Variants in CATSPERT observed in about 807,000 individuals in gnomAD.
CATSPERT encodes the protein catsper channel auxiliary subunit tau.
the CATSPERT span, among the ~76,000 whole-genome samples, chr2:201,581,575 TATATATATATATATATATAC>T: frequency 1.9e-4 from 15 of 79,256 alleles, 3 homozygotes; most frequent in Admixed American, 5.3e-4. Context: ...TATATATATA[TATATATATATATATATATAC>T]ACATACATAT....
the CATSPERT span, among the ~76,000 whole-genome samples, chr2:201,572,719 GAA>G: frequency 5.3e-5 from 8 of 150,854 alleles, no homozygotes; most frequent in Non-Finnish European, 1.0e-4. Flanking sequence ...ATTACAATAA[GAA>G]ATTTAAAAAA....
the CATSPERT span, among the ~76,000 whole-genome samples, chr2:201,526,371 A>T: frequency 6.6e-6 from 1 of 152,072 alleles, no homozygotes. Flanking sequence ...TACAAAAATT[A>T]GGCGGGTGTG....
At chr2:201,614,075 A>C in the CATSPERT span, among the ~76,000 whole-genome samples, 1 of 152,238 alleles carries the variant, frequency 6.6e-6, no homozygotes. Context: ...GACCAAATCT[A>C]TCTCTGATTG....
the CATSPERT span, among the ~76,000 whole-genome samples, chr2:201,607,911 T>G: frequency 1.3e-5 from 2 of 152,168 alleles, no homozygotes; most frequent in Non-Finnish European, 2.9e-5. Flanking sequence ...AAACCAACTC[T>G]ACCACCTTAA....
At chr2:201,546,683 T>C in the CATSPERT span, among the ~76,000 whole-genome samples, 1 of 152,138 alleles carries the variant, frequency 6.6e-6, no homozygotes, top group Non-Finnish European at 1.5e-5. Context: ...GGTTGGAATG[T>C]ACGATGATGC....
the CATSPERT span, among the ~76,000 whole-genome samples, chr2:201,515,201 AGTTT>A: frequency 1.4e-5 from 1 of 70,214 alleles, no homozygotes; most frequent in Non-Finnish European, 2.9e-5. Flanking sequence ...ATCTGCCCAT[AGTTT>A]TTTTTTTTTT....
chr2:201,553,873 T>G, the CATSPERT span: 6 of 152,170 alleles, frequency 3.9e-5, no homozygotes, highest in African/African-American at 1.4e-4. Flanking sequence ...AACTATTACA[T>G]TTCTATTCAA....
chr2:201,599,619 T>C, the CATSPERT span, among the ~76,000 whole-genome samples: 3 of 152,218 alleles, frequency 2.0e-5, no homozygotes, highest in East Asian at 1.9e-4. Flanking sequence ...CTTGCTTTTT[T>C]ATGTTTCTTT....
At chr2:201,601,740 T>C in the CATSPERT span, 1 of 1,610,596 alleles carries the variant, frequency 6.2e-7, no homozygotes, top group Non-Finnish European at 8.5e-7. Flanking sequence ...TAACATTACC[T>C]GTACAGAAAA....
chr2:201,560,310 G>A, the CATSPERT span, among the ~76,000 whole-genome samples: 4 of 151,742 alleles, frequency 2.6e-5, no homozygotes, highest in African/African-American at 9.7e-5. Flanking sequence ...TGTAATTCCA[G>A]CTACTCGGAG....
At chr2:201,541,530 T>TA in the CATSPERT span, among the ~76,000 whole-genome samples, 4 of 58,248 alleles carry the variant, frequency 6.9e-5, no homozygotes, top group Non-Finnish European at 9.3e-5. Flanking sequence ...CTCAGATGAT[T>TA]TTATATATAT....
At chr2:201,593,868 G>A in the CATSPERT span, among the ~76,000 whole-genome samples, 1 of 151,702 alleles carries the variant, frequency 6.6e-6, no homozygotes, top group Non-Finnish European at 1.5e-5. Context: ...GAGCCTATGT[G>A]TGTCTCTGCA....
the CATSPERT span, among the ~76,000 whole-genome samples, chr2:201,613,665 A>G: frequency 1.3e-5 from 2 of 152,256 alleles, no homozygotes; most frequent in Non-Finnish European, 2.9e-5. Context: ...AAAGGAACAC[A>G]GCTCCTCGCC....
At chr2:201,492,263 G>A in the CATSPERT span, 5 of 1,531,342 alleles carry the variant, frequency 3.3e-6, no homozygotes, top group East Asian at 2.5e-5. Context: ...TATTTTAATG[G>A]TATAGAACTA....
chr2:201,537,738 A>T, the CATSPERT span, among the ~76,000 whole-genome samples: 1 of 151,924 alleles, frequency 6.6e-6, no homozygotes, highest in East Asian at 1.9e-4. Flanking sequence ...ATTTTTTAAA[A>T]GTTGGGAGGA....
the CATSPERT span, among the ~76,000 whole-genome samples, chr2:201,605,136 G>A: frequency 6.6e-6 from 1 of 150,760 alleles, no homozygotes; most frequent in Non-Finnish European, 1.5e-5. Flanking sequence ...ACATGCACAT[G>A]CACACACACA....
At chr2:201,491,751 C>G in the CATSPERT span, 1 of 1,536,998 alleles carries the variant, frequency 6.5e-7, no homozygotes, top group Admixed American at 2.0e-5. Flanking sequence ...TTACATGCTC[C>G]TTTCTATCAA....
chr2:201,488,520 T>C, the CATSPERT span, among the ~76,000 whole-genome samples: 2 of 152,332 alleles, frequency 1.3e-5, no homozygotes, highest in Non-Finnish European at 2.9e-5. Context: ...GTAAAATAAC[T>C]GGAAGGATAT....
chr2:201,561,028 G>A, the CATSPERT span, among the ~76,000 whole-genome samples: 1,896 of 152,164 alleles, frequency 0.012, 24 homozygotes, highest in Non-Finnish European at 0.022. Context: ...TGATCGGCCC[G>A]CCTCGGCCTC....
Sources: allele counts gnomAD v4.1 joint callset (sites outside exome capture counted in the v4.1 genomes callset), GRCh38; gene constraint gnomAD v4.1.1; transcripts MANE v1.5; gene names NCBI Gene and HGNC (gene_info 2026-07-23, HGNC 2026-07-21).